Variants in JRKL observed in about 807,000 individuals in gnomAD.
JRKL encodes the protein JRK like, also known as jerky protein homolog-like.
JRKL carries 25 observed loss-of-function variants against 34.7 expected under a neutral mutation model. That is an observed-to-expected ratio of 0.72 (90% CI 0.53 to 1.01). The LOEUF is 1.01. Ranked by LOEUF, JRKL falls within the 50% of genes least tolerant of loss-of-function variation. JRKL has a pLI of 0.00. For synonymous variants in JRKL, 204 were observed against 212.8 expected, an observed-to-expected ratio of 0.96 and a Z score of 0.36; for missense variants, 495 against 615.7, an observed-to-expected ratio of 0.80 and a Z score of 2.07.
In JRKL at chr11:96,391,073, A is replaced by C; in HGVS notation, c.424A>C (p.Asn142His). ...RHSIREINIR[N>H]ERLNGDETAV... ...CAGCATTAGAGAGATTAACATTAGA[A>C]ATGAAAGATTAAATGGAGATGAGAC... The change falls in exon 2 of 2, where the codon AAT (asparagine) becomes CAT (histidine). Residue 142 changes from asparagine to histidine, a missense_variant. By Grantham distance (68) the Asn-to-His change is moderately conservative (BLOSUM62 1). Transcript: ENST00000332349. The C allele has an allele frequency of 6.2e-7, 1 of 1,614,240 alleles. No homozygotes were observed. Among genetic ancestry groups the C allele is most frequent in the African/African-American group, 1.3e-5 (1 of 75,066 alleles).
chr11:96,390,870 C>T lies in JRKL; in HGVS notation c.221C>T (p.Ser74Phe), dbSNP rs1391241792. ...LLAKRKSMKPSMYEELDRAML... is the reference protein window; with the variant it reads ...LLAKRKSMKPFMYEELDRAML... ...GCCAAGAGGAAATCTATGAAGCCAT[C>T]CATGTATGAGGAATTGGACAGGGCA... Residue 74 changes from serine (S) to phenylalanine (F), a missense_variant, in exon 2 of 2, where the codon TCC (serine) becomes TTC (phenylalanine). Coordinates refer to ENST00000332349, the MANE Select transcript of JRKL (RefSeq NM_001261833.2). The T allele has an allele frequency of 6.8e-6, 11 of 1,613,994 alleles. No individual in the cohort carries two copies. Among genetic ancestry groups the T allele is most frequent in the Non-Finnish European group, 8.5e-6 (10 of 1,179,980 alleles).
At chr11:96,390,370 A>G (rs1483279373) in intron 1 of JRKL, 113 bp from the exon 2 acceptor site, 2 of 315,500 alleles carry the variant, frequency 6.3e-6, no homozygotes, top group Non-Finnish European at 1.2e-5. Flanking sequence ...GTAATAAAAC[A>G]CATGCTTTTA....
rs758548292 is a variant in JRKL, at chr11:96,390,040, T to G, written c.-201T>G. 11 of 152,670 alleles carry G rather than the reference T, an allele frequency of 7.2e-5. No individual in the cohort carries two copies. The highest frequency in any genetic ancestry group is 2.4e-4 in the African/African-American group (10 of 41,558). The allele number at this position is 152,670 out of a possible 1,614,324, so 9.5% of individuals were successfully genotyped here. On this transcript the variant is annotated 5_prime_UTR_variant, in exon 1 of 2. Transcript: ENST00000332349. ...GGGCGGAGCGACTGCCGCGCGATAG[T>G]CAGGGAGCTGTGCGGGTCCTGGTTG...
At position 96,390,799 on chromosome 11, in the gene JRKL, A is replaced by G; in HGVS notation, c.150A>G (p.Glu50=). ...TTCGGGATATAAGAAAAAATAAGGA[A>G]AAGATTATAACTTATGCAAGCAGTT... The part of the protein sequence containing the change: ...TTVRDIRKNK[E]KIITYASSSD... Residue 50 remains glutamate, a synonymous_variant, in exon 2 of 2, where the codon GAA becomes GAG. Transcript: ENST00000332349. 1 of 1,613,286 alleles carries G rather than the reference A, an allele frequency of 6.2e-7. No homozygotes were observed. The highest frequency in any genetic ancestry group is 8.5e-7 in the Non-Finnish European group (1 of 1,179,836).
At position 96,390,513 on chromosome 11, in the gene JRKL, G is replaced by A; in HGVS notation, c.-137G>A. On this transcript the variant is annotated 5_prime_UTR_variant, in exon 2 of 2. Transcript: ENST00000332349. ...TTGCCAGCCAACCCCAGCCCGGGAG[G>A]GGATCAGGGCCACCAGGTTGCTGGT... 9.0e-7 allele frequency: 1 copy of A among 1,107,060 alleles called. No individual in the cohort carries two copies. Among genetic ancestry groups the A allele is most frequent in the South Asian group, 2.0e-5 (1 of 49,380 alleles). The allele number at this position is 1,107,060 out of a possible 1,614,324, so 68.6% of individuals were successfully genotyped here. A position where few individuals can be genotyped will look rare whatever the true frequency, so the allele number is the denominator to read the frequency against.
rs752772260 is a variant in JRKL, at chr11:96,391,070, A to G, written c.421A>G (p.Arg141Gly). ...QRHSIREINIRNERLNGDETA... is the reference protein window; with the variant it reads ...QRHSIREINIGNERLNGDETA... Reference sequence around the variant, plus strand: ...GCACAGCATTAGAGAGATTAACATTAGAAATGAAAGATTAAATGGAGATGA... The same window carrying G: ...GCACAGCATTAGAGAGATTAACATTGGAAATGAAAGATTAAATGGAGATGA... Residue 141 changes from arginine (R) to glycine (G), a missense_variant, in exon 2 of 2, where the codon AGA becomes GGA. Physicochemically the swap from Arg to Gly is moderately radical, Grantham distance 125. Transcript: ENST00000332349. The G allele has an allele frequency of 8.7e-6, 14 of 1,614,244 alleles. No individual in the cohort carries two copies. The highest frequency in any genetic ancestry group is 2.5e-6 in the Non-Finnish European group (3 of 1,180,042).
chr11:96,392,087 G>A lies in JRKL; in HGVS notation c.1438G>A (p.Ala480Thr), dbSNP rs745956441. 6.2e-7 allele frequency: 1 copy of A among 1,614,032 alleles called. No individual in the cohort carries two copies. Among genetic ancestry groups the A allele is most frequent in the Non-Finnish European group, 8.5e-7 (1 of 1,179,972 alleles). Residue 480 changes from alanine (A) to threonine (T), a missense_variant, in exon 2 of 2, where the codon GCT becomes ACT. Transcript: ENST00000332349. Reference sequence around the variant, plus strand: ...TCCAGAGAAACATATTAATCATGCAGCTGCCCTCCAGTGGACTGAAAATTT... The same window carrying A: ...TCCAGAGAAACATATTAATCATGCAACTGCCCTCCAGTGGACTGAAAATTT... Reference protein sequence around the residue: ...LIPEKHINHAAALQWTENLLD... With the variant: ...LIPEKHINHATALQWTENLLD...
Position 96,390,981 on chromosome 11 carries a change from A to G in JRKL, c.332A>G (p.Tyr111Cys). The change falls in exon 2 of 2, where the codon TAT becomes TGT. Residue 111 changes from tyrosine to cysteine, a missense_variant. Physicochemically the swap from Tyr to Cys is radical, Grantham distance 194 (BLOSUM62 -2). Transcript: ENST00000332349. Reference protein sequence around the residue: ...ICAKRAEFFFYALGMDGDFNP... With the variant: ...ICAKRAEFFFCALGMDGDFNP... The stretch of plus-strand genomic sequence containing the variant: ...GCAAAAAGGGCAGAGTTCTTCTTTT[A>G]TGCTTTGGGAATGGATGGTGATTTT... 6.2e-7 allele frequency: 1 copy of G among 1,614,218 alleles called. No homozygotes were observed. The highest frequency in any genetic ancestry group is 8.5e-7 in the Non-Finnish European group (1 of 1,180,036).
chr11:96,390,648 C>T lies in JRKL; in HGVS notation c.-2C>T. On this transcript the variant is annotated 5_prime_UTR_variant, in exon 2 of 2. Transcript: ENST00000332349. ...GTGTGGGGTGAGTCCCAGAACCTCGCTATGTCAGGGAAACGGAAGCGTGTG... is the reference window on the plus strand; with the variant it reads ...GTGTGGGGTGAGTCCCAGAACCTCGTTATGTCAGGGAAACGGAAGCGTGTG... 1.3e-6 allele frequency: 2 copies of T among 1,566,266 alleles called. No individual in the cohort carries two copies. Among genetic ancestry groups the T allele is most frequent in the East Asian group, 2.2e-5 (1 of 44,762 alleles).
chr11:96,391,722 A>T lies in JRKL; in HGVS notation c.1073A>T (p.Lys358Met). The T allele has an allele frequency of 6.2e-7, 1 of 1,614,198 alleles. No homozygotes were observed. The highest frequency in any genetic ancestry group is 8.5e-7 in the Non-Finnish European group (1 of 1,180,042). ...GGTAATGACCTGAAATCATTCTGGAAGAAGCTAACTCTGTTGGATGCACTT... is the reference window on the plus strand; with the variant it reads ...GGTAATGACCTGAAATCATTCTGGATGAAGCTAACTCTGTTGGATGCACTT... ...EEGNDLKSFWKKLTLLDALYE... is the reference protein window; with the variant it reads ...EEGNDLKSFWMKLTLLDALYE... The change falls in exon 2 of 2, where the codon AAG becomes ATG. Residue 358 changes from lysine (K) to methionine (M), a missense_variant. Lys to Met is a moderately conservative substitution (Grantham distance 95, BLOSUM62 -1). Transcript: ENST00000332349.
rs757157707 is a variant in JRKL at position 96,392,163 on chromosome 11, T to C, written c.1514T>C (p.Val505Ala). ...GATATGATTCTACCTGATAGACTGG[T>C]AATACGTAAACTTCGAGCCACCATC... ...QGDMILPDRLVIRKLRATIRN... is the reference protein window; with the variant it reads ...QGDMILPDRLAIRKLRATIRN... Residue 505 changes from valine to alanine, a missense_variant, in exon 2 of 2, where the codon GTA (valine) becomes GCA (alanine). Physicochemically the swap from Val to Ala is moderately conservative, Grantham distance 64. Transcript: ENST00000332349. The C allele has an allele frequency of 6.8e-6, 11 of 1,608,780 alleles. No individual in the cohort carries two copies. The East Asian group carries it at 2.2e-4, about 33-fold the overall frequency.
chr11:96,391,363 A>G lies in JRKL; in HGVS notation c.714A>G (p.Lys238=). 6.4e-7 allele frequency: 1 copy of G among 1,551,688 alleles called. No individual in the cohort carries two copies. Among genetic ancestry groups the G allele is most frequent in the Non-Finnish European group, 8.7e-7 (1 of 1,146,994 alleles). Residue 238 remains lysine, a synonymous_variant, in exon 2 of 2, where the codon AAA becomes AAG. Coordinates refer to ENST00000332349, the MANE Select transcript of JRKL (RefSeq NM_001261833.2). ...AAGCAAAGAAACCTCGCTCCTTTAA[A>G]TCAACTGACACCTTAAACCTGCCAG... ...VGKAKKPRSF[K]STDTLNLPVS...
At position 96,391,930 on chromosome 11, in the gene JRKL, C is replaced by A. The variant is rs777796086; in HGVS notation, c.1281C>A (p.Asn427Lys). 5 of 1,613,954 alleles carry A rather than the reference C, an allele frequency of 3.1e-6. No homozygotes were observed. The Admixed American group carries it at 5.0e-5, about 16-fold the overall frequency. The stretch of plus-strand genomic sequence containing the variant: ...GATTGGAAAATGTGACTACTGAGAA[C>A]CTTGAAAAATGGCTTGAAGTAGACA... ...TKGLENVTTE[N>K]LEKWLEVDST... Residue 427 changes from asparagine to lysine, a missense_variant, in exon 2 of 2, where the codon AAC becomes AAA. Asn to Lys is a moderately conservative substitution (Grantham distance 94). Coordinates refer to ENST00000332349, the MANE Select transcript of JRKL (RefSeq NM_001261833.2).
intron 1 of JRKL, 147 bp from the exon 2 acceptor site, chr11:96,390,336 A>G: frequency 4.2e-6 from 1 of 236,460 alleles, no homozygotes; most frequent in Non-Finnish European, 8.3e-6. Flanking sequence ...CAATGGGGGT[A>G]TAGTCTTTCT....
At position 96,391,796 on chromosome 11, in the gene JRKL, A is replaced by C. The variant is rs1391872682; in HGVS notation, c.1147A>C (p.Arg383=). Residue 383 remains arginine (R), a synonymous_variant, in exon 2 of 2, where the codon AGA becomes CGA. Coordinates refer to ENST00000332349, the MANE Select transcript of JRKL (RefSeq NM_001261833.2). ...CTTAGTAAAACCAGTTACCATTAGC[A>C]GAGCATGGAAGAAGATTCTCCCTAT... The part of the protein sequence containing the change: ...WNLVKPVTIS[R]AWKKILPMVE... 1.9e-6 allele frequency: 3 copies of C among 1,614,232 alleles called. No homozygotes were observed. The highest frequency in any genetic ancestry group is 3.3e-5 in the Admixed American group (2 of 60,034).
In JRKL at chr11:96,391,374, C is replaced by A; in HGVS notation, c.725C>A (p.Thr242Asn). 1.9e-6 allele frequency: 3 copies of A among 1,551,702 alleles called. No individual in the cohort carries two copies. Among genetic ancestry groups the A allele is most frequent in the South Asian group, 1.2e-5 (1 of 84,066 alleles). The change falls in exon 2 of 2, where the codon ACC becomes AAC. Residue 242 changes from threonine (T) to asparagine (N), a missense_variant. Transcript: ENST00000332349. ...KKPRSFKSTDTLNLPVSYFSQ... is the reference protein window; with the variant it reads ...KKPRSFKSTDNLNLPVSYFSQ... Reference sequence around the variant, plus strand: ...CCTCGCTCCTTTAAATCAACTGACACCTTAAACCTGCCAGTCTCTTATTTC... The same window carrying A: ...CCTCGCTCCTTTAAATCAACTGACAACTTAAACCTGCCAGTCTCTTATTTC...
At position 96,391,783 on chromosome 11, in the gene JRKL, A is replaced by G. The variant is rs779838364; in HGVS notation, c.1134A>G (p.Pro378=). 2 of 1,614,230 alleles carry G rather than the reference A, an allele frequency of 1.2e-6. No individual in the cohort carries two copies. Among genetic ancestry groups the G allele is most frequent in the Non-Finnish European group, 1.7e-6 (2 of 1,180,024 alleles). Residue 378 remains proline, a synonymous_variant, in exon 2 of 2, where the codon CCA becomes CCG. Coordinates refer to ENST00000332349, the MANE Select transcript of JRKL (RefSeq NM_001261833.2). The part of the protein sequence containing the change: ...EIAMAWNLVK[P]VTISRAWKKI... Reference sequence around the variant, plus strand: ...CAATGGCATGGAACTTAGTAAAACCAGTTACCATTAGCAGAGCATGGAAGA... The same window carrying G: ...CAATGGCATGGAACTTAGTAAAACCGGTTACCATTAGCAGAGCATGGAAGA...
rs778442361 is a variant in JRKL, at chr11:96,391,664, C to T, written c.1015C>T (p.Arg339Cys). 1.2e-6 allele frequency: 2 copies of T among 1,614,124 alleles called. No individual in the cohort carries two copies. The highest frequency in any genetic ancestry group is 1.1e-5 in the South Asian group (1 of 91,084). ...CATAGCAACGATGAAGAGAAATTAT[C>T]GTGCAGGTCTTCTCCAGAACAACTT... ...GVIATMKRNY[R>C]AGLLQNNLEE... is the part of the protein sequence containing the mutation. The change falls in exon 2 of 2, where the codon CGT becomes TGT. Residue 339 changes from arginine to cysteine, a missense_variant. By Grantham distance (180) the Arg-to-Cys change is radical. Coordinates refer to ENST00000332349, the MANE Select transcript of JRKL (RefSeq NM_001261833.2).
Position 96,393,284 on chromosome 11 carries a change from A to T in JRKL, c.*1060A>T, listed in dbSNP as rs1866572881. ...TCATATGTTTGTATCCTGTTTTATG[A>T]AGAAAGCAGAAATAATTACTGAAAG... On this transcript the variant is annotated 3_prime_UTR_variant, in exon 2 of 2. Transcript: ENST00000332349. 6.0e-6 allele frequency: 1 copy of T among 166,928 alleles called. No homozygotes were observed. The highest frequency in any genetic ancestry group is 1.5e-5 in the Non-Finnish European group (1 of 68,018). The allele number at this position is 166,928 out of a possible 1,614,324, so 10.3% of individuals were successfully genotyped here. A position where few individuals can be genotyped will look rare whatever the true frequency, so the allele number is the denominator to read the frequency against.
Sources: allele counts gnomAD v4.1 joint callset, GRCh38; gene constraint gnomAD v4.1.1; transcripts MANE v1.5; gene names NCBI Gene and HGNC (gene_info 2026-07-23, HGNC 2026-07-21).